LMF1: variants seen among roughly 807,000 people sequenced by gnomAD.
LMF1 encodes transmembrane protein 112.
In LMF1, 68 loss-of-function variants were observed where a neutral mutation model predicts 60.6. The observed-to-expected ratio is 1.12, with a 90% CI of 0.92 to 1.37. The LOEUF (loss-of-function observed/expected upper bound fraction) is 1.37, where lower values mean the gene tolerates loss of function less well. LMF1 is among the 40% of genes most tolerant of loss of function. The pLI is 0.00. For synonymous variants in LMF1, 418 were observed against 324.7 expected (o/e 1.29, Z -3.09); for missense variants, 948 against 767.2 (o/e 1.24, Z -2.78).
At chr16:895,147 G>A (rs921102544) in intron 4 of LMF1, among the ~76,000 whole-genome samples, 35 of 152,294 alleles carry the variant, frequency 2.3e-4, no homozygotes, top group Non-Finnish European at 2.9e-4. Flanking sequence ...TCCAGACGGC[G>A]GGGGGTGCGG....
chr16:896,343 C>A (rs994092758), intron 4 of LMF1, among the ~76,000 whole-genome samples: 1 of 152,240 alleles, frequency 6.6e-6, no homozygotes, highest in African/African-American at 2.4e-5. Flanking sequence ...CCGGCATCGC[C>A]GTCTCTAGGG....
At chr16:906,449 C>T (rs1385419979) in intron 4 of LMF1, among the ~76,000 whole-genome samples, 1 of 152,084 alleles carries the variant, frequency 6.6e-6, no homozygotes, top group East Asian at 1.9e-4. Flanking sequence ...AGAGGGGAGA[C>T]GGGCCTACCC....
At chr16:960,535 C>T (rs984942753) in intron 1 of LMF1, among the ~76,000 whole-genome samples, 12 of 139,490 alleles carry the variant, frequency 8.6e-5, no homozygotes, top group Non-Finnish European at 1.6e-4. Flanking sequence ...ATGGTGACAA[C>T]ACGGGATCAC....
chr16:952,802 T>C (rs407443), intron 2 of LMF1, among the ~76,000 whole-genome samples: 3,432 of 38,248 alleles, frequency 0.09, 9 homozygotes, highest in Middle Eastern at 0.13. Flanking sequence ...GCCTCCTACA[T>C]GTCCACACAG....
intron 2 of LMF1, among the ~76,000 whole-genome samples, chr16:947,847 G>A (rs144697567): frequency 0.031 from 4,558 of 148,866 alleles, 98 homozygotes; most frequent in East Asian, 0.047. Flanking sequence ...GTCAGCCAAC[G>A]ACAGAGTTAG....
chr16:927,230 C>T (rs938123051), intron 3 of LMF1, among the ~76,000 whole-genome samples: 16 of 152,242 alleles, frequency 1.1e-4, no homozygotes, highest in South Asian at 4.1e-4. Flanking sequence ...TGTCACGTGG[C>T]GGGCTCTAAA....
intron 2 of LMF1, among the ~76,000 whole-genome samples, chr16:948,681 C>G (rs2072325012): frequency 6.9e-6 from 1 of 145,348 alleles, no homozygotes; most frequent in African/African-American, 2.6e-5. Context: ...GAGACAATGA[C>G]AGAGTCAGCC....
At chr16:889,054 G>A (rs2070398268) in intron 5 of LMF1, among the ~76,000 whole-genome samples, 1 of 152,146 alleles carries the variant, frequency 6.6e-6, no homozygotes, top group African/African-American at 2.4e-5. Context: ...ATGGGAGCGG[G>A]CCCTTGGCCT....
At chr16:890,533 A>G (rs2070452522) in intron 5 of LMF1, among the ~76,000 whole-genome samples, 1 of 152,140 alleles carries the variant, frequency 6.6e-6, no homozygotes, top group Non-Finnish European at 1.5e-5. Flanking sequence ...GCCAAGGCTC[A>G]GCCTGTCCTG....
intron 5 of LMF1, among the ~76,000 whole-genome samples, chr16:881,738 G>A (rs1264386808): frequency 2.6e-5 from 4 of 152,162 alleles, no homozygotes; most frequent in Admixed American, 6.5e-5. Flanking sequence ...TTGGGGTTGC[G>A]GCGAGACCCA....
rs564038172 is a variant in LMF1, at chr16:941,451, G to A, written c.504-7197C>T. 1.9e-4 allele frequency among the ~76,000 whole-genome samples: 29 copies of A among 152,280 alleles called. No individual in the cohort carries two copies. The South Asian group carries it at 6.0e-3, about 32-fold the overall frequency. On this transcript the variant is annotated intron_variant, in intron 2 of 10. Transcript: ENST00000262301. ...GCCAGGCTGGTCTTGAACTCCTGAT[G>A]ACCTCAGGTGATCTGCCTGCCTTGG...
intron 3 of LMF1, among the ~76,000 whole-genome samples, chr16:922,611 GGTGTTGGTGC>G (rs1180689942): frequency 6.8e-6 from 1 of 146,450 alleles, no homozygotes; most frequent in Non-Finnish European, 1.5e-5. Context: ...GGTGTGATGT[GGTGTTGGTGC>G]GTGTTGTTGC....
intron 2 of LMF1, chr16:947,494 C>G: frequency 2.2e-6 from 1 of 456,082 alleles, no homozygotes; most frequent in Non-Finnish European, 4.4e-6. Flanking sequence ...TCCCAGCGTC[C>G]CCTCCAGCCC....
At chr16:927,523 C>G (rs1325198790) in intron 3 of LMF1, among the ~76,000 whole-genome samples, 3 of 152,248 alleles carry the variant, frequency 2.0e-5, no homozygotes, top group Non-Finnish European at 4.4e-5. Context: ...CGGCAGAGGC[C>G]GTGGAGGCTG....
chr16:879,633 G>C lies in LMF1; in HGVS notation c.834C>G (p.Pro278=). 2 of 1,613,496 alleles carry C rather than the reference G, an allele frequency of 1.2e-6. No homozygotes were observed. Among genetic ancestry groups the C allele is most frequent in the Non-Finnish European group, 1.7e-6 (2 of 1,179,746 alleles). The change falls in exon 6 of 11, where the codon CCC becomes CCG. Residue 278 remains proline, a synonymous_variant. Coordinates refer to ENST00000262301, the MANE Select transcript of LMF1 (RefSeq NM_022773.4). ...CCCGCCGGCCGAGGAAGAGGAAGAA[G>C]GGCACCAGGAGCTCGATGAAGTGGT... ...LSNHFIELLV[P]FFLFLGRRAC... is the part of the protein sequence containing the mutation.
At position 879,498 on chromosome 16, in the gene LMF1, G is replaced by A. The variant is rs568010897; in HGVS notation, c.897+72C>T. On this transcript the variant is annotated intron_variant, in intron 6 of 10. Coordinates refer to ENST00000262301, the MANE Select transcript of LMF1 (RefSeq NM_022773.4). ...ATGCCCCAGGGTCCTCCCAGAGAGC[G>A]GGGCAGCCAGAAATAGGGCGACGGG... is the stretch of plus-strand genomic sequence containing the variant. The A allele has an allele frequency of 1.3e-4, 196 of 1,546,248 alleles. 1 individual carries two copies. In the East Asian group the frequency reaches 2.3e-3, roughly 19 times the overall value.
chr16:870,309 G>A (rs1337486231), intron 8 of LMF1, among the ~76,000 whole-genome samples: 5 of 152,214 alleles, frequency 3.3e-5, no homozygotes, highest in African/African-American at 7.2e-5. Context: ...AGCTGCAGCC[G>A]CCATGTGCCC....
At chr16:872,334 C>G (rs1190024851) in intron 6 of LMF1, 1 of 152,162 alleles carries the variant, frequency 6.6e-6, no homozygotes, top group African/African-American at 2.4e-5. Flanking sequence ...GGGACATCGA[C>G]GTCTAATGAA....
chr16:918,657 G>C (rs140983552), intron 3 of LMF1, among the ~76,000 whole-genome samples: 17 of 152,208 alleles, frequency 1.1e-4, no homozygotes, highest in African/African-American at 3.9e-4. Context: ...GCTGTCCTGG[G>C]TCACGGGGTG....
Sources: allele counts gnomAD v4.1 joint callset (sites outside exome capture counted in the v4.1 genomes callset), GRCh38; gene constraint gnomAD v4.1.1; transcripts MANE v1.5; gene names NCBI Gene and HGNC (gene_info 2026-07-23, HGNC 2026-07-21).